ERI2: variants seen among roughly 807,000 people sequenced by gnomAD.
ERI2 encodes ERI1 exoribonuclease 2.
Under a neutral mutation model 46.8 loss-of-function variants are expected in ERI2, and 35 were observed. The observed-to-expected ratio is 0.75, with a 90% CI of 0.57 to 0.99. The LOEUF (loss-of-function observed/expected upper bound fraction) is 0.99, where lower values mean the gene tolerates loss of function less well. Among genes scored for constraint, ERI2 ranks in the 50% least tolerant of loss-of-function variants. The pLI, the probability that ERI2 is intolerant of heterozygous loss-of-function variation, is 0.00. For missense variants in ERI2, 695 were observed against 796.2 expected (o/e 0.87, Z 1.53); for synonymous variants, 224 against 271.0 (o/e 0.83, Z 1.70).
In ERI2 at chr16:20,797,885, A is replaced by G. The variant is rs948343082; in HGVS notation, c.1915T>C (p.Trp639Arg). Residue 639 changes from tryptophan to arginine, a missense_variant, in exon 9 of 9, where the codon TGG becomes CGG. By Grantham distance (101) the Trp-to-Arg change is moderately radical. Transcript: ENST00000357967. ...CTTTCCTTTTGAAGTGTTTGTTCCC[A>G]TTTGAAATAACCACAACATTTTCTG... ...ENRKCCGYFK[W>R]EQTLQKERAN... 8 of 1,551,508 alleles carry G rather than the reference A, an allele frequency of 5.2e-6. No homozygotes were observed. Among genetic ancestry groups the G allele is most frequent in the East Asian group, 2.4e-5 (1 of 40,932 alleles).
In ERI2 at chr16:20,790,433, G is replaced by A. The variant is rs1301530858; in HGVS notation, c.815+417C>T. 1.3e-5 allele frequency among the ~76,000 whole-genome samples: 2 copies of A among 152,120 alleles called. No individual in the cohort carries two copies. Among genetic ancestry groups the A allele is most frequent in the African/African-American group, 4.8e-5 (2 of 41,422 alleles). On this transcript the variant is annotated intron_variant, in intron 9 of 10. Transcript: ENST00000300005. This position sits in a 1 kb window ranked among gnomAD's most constrained non-coding sequence, Gnocchi z 4.0. Reference sequence around the variant, plus strand: ...GATTGCACCACTGCACTCCAGCCTGGGTGACAAAGTGAGACCTTGTCTCAC... The same window carrying A: ...GATTGCACCACTGCACTCCAGCCTGAGTGACAAAGTGAGACCTTGTCTCAC...
At position 20,798,516 on chromosome 16, in the gene ERI2, G is replaced by A; in HGVS notation, c.1284C>T (p.Pro428=). 2.6e-6 allele frequency: 4 copies of A among 1,551,516 alleles called. No homozygotes were observed. The highest frequency in any genetic ancestry group is 3.5e-6 in the Non-Finnish European group (4 of 1,146,876). Residue 428 remains proline, a synonymous_variant, in exon 9 of 9, where the codon CCC becomes CCT. Coordinates refer to ENST00000357967, the MANE Select transcript of ERI2 (RefSeq NM_001142725.2). The part of the protein sequence containing the change: ...QPEENVDCTV[P]ISDSDLEISF... ...AAATCTCTAAGTCTGAGTCACTAAT[G>A]GGAACTGTACAGTCTACGTTTTCCT...
At chr16:20,800,272 A>C in intron 6 of ERI2, 30 bp downstream of exon 6, 1 of 1,463,170 alleles carries the variant, frequency 6.8e-7, no homozygotes, top group South Asian at 1.2e-5. Flanking sequence ...CATAGAAAAA[A>C]GTAAACATGC....
In ERI2 at chr16:20,802,956, T is replaced by C. The variant is rs2080812096; in HGVS notation, c.176-33A>G. The stretch of plus-strand genomic sequence containing the variant: ...AAAGAATAATCAATTGACAGTTGAA[T>C]AAATAATTTTTAAATTAATCCTGTA... On this transcript the variant is annotated intron_variant, in intron 3 of 8. Coordinates refer to ENST00000357967, the MANE Select transcript of ERI2 (RefSeq NM_001142725.2). 3 of 1,524,724 alleles carry C rather than the reference T, an allele frequency of 2.0e-6. No homozygotes were observed. In the African/African-American group the frequency reaches 4.2e-5, roughly 21 times the overall value. The allele number at this position is 1,524,724 out of a possible 1,614,324, so 94.4% of individuals were successfully genotyped here. A position where few individuals can be genotyped will look rare whatever the true frequency, so the allele number is the denominator to read the frequency against.
rs897350593 is a variant in ERI2 at position 20,797,262 on chromosome 16, C to T, written c.*462G>A. The T allele has an allele frequency of 1.9e-5, 21 of 1,079,352 alleles. No homozygotes were observed. In the African/African-American group the frequency reaches 2.9e-4, roughly 15 times the overall value. The allele number at this position is 1,079,352 out of a possible 1,614,324, so 66.9% of individuals were successfully genotyped here. On this transcript the variant is annotated 3_prime_UTR_variant, in exon 9 of 9. Transcript: ENST00000357967. Reference sequence around the variant, plus strand: ...TAGAAGCAGTTTCTGAACCAGATCTCTGCTACATAGGTTTTCAAACTTTAG... The same window carrying T: ...TAGAAGCAGTTTCTGAACCAGATCTTTGCTACATAGGTTTTCAAACTTTAG...
rs1438475156 is a variant in ERI2, at chr16:20,806,427, C to G, written c.4G>C (p.Ala2Pro). 6 of 1,553,078 alleles carry G rather than the reference C, an allele frequency of 3.9e-6. No homozygotes were observed. The highest frequency in any genetic ancestry group is 5.2e-6 in the Non-Finnish European group (6 of 1,148,126). The change falls in exon 1 of 9, where the codon GCG becomes CCG. Residue 2 changes from alanine to proline, a missense_variant. Transcript: ENST00000357967. The part of the protein sequence containing the change: M[A>P]TKRLARQLGL... ...GAGTACCGCGCGAGCCGCTTGGTCG[C>G]CATTCCCGACACTCCTTGCTTTTCC... is the stretch of plus-strand genomic sequence containing the variant.
At chr16:20,793,463 C>T (rs925230846), downstream of ERI2, among the ~76,000 whole-genome samples, 3 of 150,752 alleles carry the variant, frequency 2.0e-5, no homozygotes, top group Admixed American at 6.6e-5. Flanking sequence ...AACAAGACTC[C>T]GCCTCAAAAA....
intron 10 of ERI2, among the ~76,000 whole-genome samples, chr16:20,787,008 T>C (rs900122969): frequency 2.0e-5 from 3 of 152,152 alleles, no homozygotes; most frequent in South Asian, 2.1e-4. Context: ...ATTTCCAGCC[T>C]CTCTGTATCC....
At chr16:20,792,439 TAAATATGCAAGTCAGATAG>T (rs1406746958), downstream of ERI2, 2 of 1,560,476 alleles carry the variant, frequency 1.3e-6, no homozygotes, top group East Asian at 4.5e-5. Flanking sequence ...ATTCATTTAC[TAAATATGCAAGTCAGATAG>T]AAATATGCTA....
At chr16:20,802,391 T>A (rs1027805915) in intron 4 of ERI2, among the ~76,000 whole-genome samples, 1 of 151,884 alleles carries the variant, frequency 6.6e-6, no homozygotes, top group Non-Finnish European at 1.5e-5. Flanking sequence ...AACACTAATC[T>A]TATTTATTTA....
At position 20,801,310 on chromosome 16, in the gene ERI2, C is replaced by T. The variant is rs540826498; in HGVS notation, c.353G>A (p.Cys118Tyr). 1.9e-6 allele frequency: 3 copies of T among 1,611,680 alleles called. No homozygotes were observed. In the South Asian group the frequency reaches 3.3e-5, roughly 18 times the overall value. The stretch of plus-strand genomic sequence containing the variant: ...TTGCTGAATCTTATGAATCCATTTA[C>T]AGAACTGAGATAAGCAAATCTTCAG... ...VPLKICLSQF[C>Y]KWIHKIQQQK... Residue 118 changes from cysteine to tyrosine, a missense_variant, in exon 5 of 9, where the codon TGT becomes TAT. Transcript: ENST00000357967.
intron 10 of ERI2, chr16:20,781,167 G>A (rs1236461063): frequency 2.2e-5 from 35 of 1,608,194 alleles, no homozygotes; most frequent in Non-Finnish European, 3.0e-5. Flanking sequence ...ATTTAGAAAT[G>A]CATTAAGCAG....
exon 11 of ERI2, chr16:20,780,406 T>C (rs1400734987): frequency 1.9e-6 from 1 of 523,076 alleles, no homozygotes; most frequent in African/African-American, 1.9e-5. Flanking sequence ...ACAGACTCCT[T>C]ACTCTGCTGG....
Position 20,802,857 on chromosome 16 carries a change from A to C in ERI2, c.242T>G (p.Val81Gly). ...AAGAATTGGATGTTCCTGAGGTTGAACATAAGCCTGGAACTCAGAGTCAAT... is the reference window on the plus strand; with the variant it reads ...AAGAATTGGATGTTCCTGAGGTTGACCATAAGCCTGGAACTCAGAGTCAAT... ...GQIDSEFQAY[V>G]QPQEHPILSE... The change falls in exon 4 of 9, where the codon GTT becomes GGT. Residue 81 changes from valine to glycine, a missense_variant. By Grantham distance (109) the Val-to-Gly change is moderately radical (BLOSUM62 -3). Coordinates refer to ENST00000357967, the MANE Select transcript of ERI2 (RefSeq NM_001142725.2). The C allele has an allele frequency of 6.2e-7, 1 of 1,611,734 alleles. No homozygotes were observed. Among genetic ancestry groups the C allele is most frequent in the Non-Finnish European group, 8.5e-7 (1 of 1,178,250 alleles).
chr16:20,780,476 A>G, exon 11 of ERI2: 1 of 741,604 alleles, frequency 1.3e-6, no homozygotes, highest in Non-Finnish European at 2.1e-6. Context: ...CATAGAATAA[A>G]AAGCTAGGAA....
At chr16:20,781,949 G>A (rs2080362177) in intron 10 of ERI2, among the ~76,000 whole-genome samples, 1 of 152,152 alleles carries the variant, frequency 6.6e-6, no homozygotes, top group African/African-American at 2.4e-5. Flanking sequence ...TTCTGTAAAT[G>A]ATAATTACTG....
intron 8 of ERI2, 45 bp downstream of exon 8, chr16:20,799,218 T>G (rs1250219506): frequency 6.2e-7 from 1 of 1,603,142 alleles, no homozygotes; most frequent in African/African-American, 1.3e-5. Flanking sequence ...TATGACTGTT[T>G]ATGAAGTTTG....
chr16:20,788,029 C>G (rs1434127678), intron 10 of ERI2, among the ~76,000 whole-genome samples: 1 of 152,126 alleles, frequency 6.6e-6, no homozygotes, highest in African/African-American at 2.4e-5. Flanking sequence ...TATCAGAATG[C>G]TTAGTACATA....
At chr16:20,792,045 A>G (rs775053655), downstream of ERI2, 26 of 1,614,044 alleles carry the variant, frequency 1.6e-5, no homozygotes, top group Middle Eastern at 3.3e-4. Context: ...GGCAATTTCT[A>G]TATCACTGGG....
Sources: allele counts gnomAD v4.1 joint callset (sites outside exome capture counted in the v4.1 genomes callset), GRCh38; gene constraint gnomAD v4.1.1; non-coding constraint Gnocchi (gnomAD v3.1); transcripts MANE v1.5; gene names NCBI Gene and HGNC (gene_info 2026-07-23, HGNC 2026-07-21).